The following ITGB8 variants were observed in gnomAD, a reference collection of about 807,000 sequenced individuals.
ITGB8 encodes the protein integrin subunit beta 8, also known as integrin beta-8.
In ITGB8, 30 loss-of-function variants were observed where a neutral mutation model predicts 89.5. That is an observed-to-expected ratio of 0.34 (90% CI 0.25 to 0.45). The LOEUF is 0.45. Ranked by LOEUF, ITGB8 falls within the 20% of genes least tolerant of loss-of-function variation. ITGB8 has a pLI of 1.00. For missense variants in ITGB8, 836 were observed against 933.3 expected (o/e 0.90, Z 1.36); for synonymous variants, 335 against 320.4 (o/e 1.05, Z -0.49).
intron 1 of ITGB8, among the ~76,000 whole-genome samples, chr7:20,349,924 T>G (rs1392037762): frequency 1.3e-5 from 2 of 152,186 alleles, no homozygotes; most frequent in African/African-American, 4.8e-5. Flanking sequence ...GGATGAGTTT[T>G]GCCAGATGTA....
At chr7:20,361,171 C>T (rs1785489216) in intron 1 of ITGB8, among the ~76,000 whole-genome samples, 1 of 151,972 alleles carries the variant, frequency 6.6e-6, no homozygotes, top group Admixed American at 6.6e-5. Context: ...AGTGTCTGTC[C>T]GTGTTCTTTA....
At chr7:20,409,084 C>A (rs946550900) in intron 12 of ITGB8, among the ~76,000 whole-genome samples, 1 of 152,150 alleles carries the variant, frequency 6.6e-6, no homozygotes, top group African/African-American at 2.4e-5. Flanking sequence ...AATATTTATT[C>A]ACCTATTGGA....
chr7:20,370,600 T>TTTATTATTATTA (rs67123203), intron 3 of ITGB8, among the ~76,000 whole-genome samples: 131 of 144,410 alleles, frequency 9.1e-4, no homozygotes, highest in Middle Eastern at 7.2e-3. Flanking sequence ...TATTTACTTA[T>TTTATTATTATTA]TTATTATTAT....
intron 3 of ITGB8, among the ~76,000 whole-genome samples, chr7:20,367,549 A>G (rs572972694): frequency 1.3e-5 from 2 of 151,894 alleles, no homozygotes; most frequent in South Asian, 2.1e-4. Context: ...AGTACTCTGT[A>G]AGTATTTGTT....
chr7:20,393,760 G>C (rs570769605), intron 7 of ITGB8, among the ~76,000 whole-genome samples: 1 of 152,224 alleles, frequency 6.6e-6, no homozygotes, highest in African/African-American at 2.4e-5. Flanking sequence ...CTCATGTCTG[G>C]AAGCCCTTCT....
chr7:20,335,233 G>A (rs1374613496), intron 1 of ITGB8, among the ~76,000 whole-genome samples: 1 of 152,086 alleles, frequency 6.6e-6, no homozygotes, highest in Admixed American at 6.5e-5. Context: ...GAAACTTAGG[G>A]CAACAAGAAT....
At chr7:20,335,946 T>C (rs1480373385) in intron 1 of ITGB8, among the ~76,000 whole-genome samples, 1 of 151,856 alleles carries the variant, frequency 6.6e-6, no homozygotes, top group Non-Finnish European at 1.5e-5. Flanking sequence ...CCTCTAAATG[T>C]AGTAGTGGCT....
At chr7:20,382,419 T>TA (rs1434349964) in intron 6 of ITGB8, among the ~76,000 whole-genome samples, 3 of 152,240 alleles carry the variant, frequency 2.0e-5, no homozygotes, top group Non-Finnish European at 4.4e-5. Context: ...CTATCTGGCT[T>TA]GCTTCCTGAG....
chr7:20,388,463 A>G (rs989205210), intron 6 of ITGB8, among the ~76,000 whole-genome samples: 9 of 152,144 alleles, frequency 5.9e-5, no homozygotes, highest in African/African-American at 2.2e-4. Flanking sequence ...GGCTTAGGCA[A>G]TGGTCATTAA....
intron 3 of ITGB8, among the ~76,000 whole-genome samples, chr7:20,372,574 A>G (rs1248283124): frequency 6.6e-6 from 1 of 152,128 alleles, no homozygotes; most frequent in African/African-American, 2.4e-5. Context: ...CTCAGGGGAG[A>G]GATAGGGGTT....
intron 6 of ITGB8, among the ~76,000 whole-genome samples, chr7:20,391,068 CGT>C (rs1786834920): frequency 6.6e-6 from 1 of 151,974 alleles, no homozygotes; most frequent in Non-Finnish European, 1.5e-5. Context: ...TTGCCACTAA[CGT>C]GTCTCTATTT....
chr7:20,368,667 C>T (rs987777008), intron 3 of ITGB8, among the ~76,000 whole-genome samples: 7 of 152,134 alleles, frequency 4.6e-5, no homozygotes, highest in African/African-American at 1.7e-4. Context: ...AAATGTCTTA[C>T]TCTTTTTTAA....
chr7:20,385,714 A>G (rs1786582147), intron 6 of ITGB8, among the ~76,000 whole-genome samples: 3 of 152,320 alleles, frequency 2.0e-5, no homozygotes, highest in South Asian at 4.1e-4. Flanking sequence ...AATCTTATCT[A>G]CTTGGAATTA....
intron 1 of ITGB8, among the ~76,000 whole-genome samples, chr7:20,349,387 C>T (rs1257575299): frequency 6.6e-6 from 1 of 151,386 alleles, no homozygotes; most frequent in Non-Finnish European, 1.5e-5. Flanking sequence ...GCCAAAACCG[C>T]AATTACTTTA....
intron 1 of ITGB8, among the ~76,000 whole-genome samples, chr7:20,358,023 T>C (rs1170557762): frequency 6.6e-6 from 1 of 152,192 alleles, no homozygotes; most frequent in East Asian, 1.9e-4. Context: ...TGGAGTGCAA[T>C]GGCATGATCT....
At chr7:20,390,424 T>C (rs997458578) in intron 6 of ITGB8, among the ~76,000 whole-genome samples, 3 of 152,124 alleles carry the variant, frequency 2.0e-5, no homozygotes, top group African/African-American at 7.2e-5. Flanking sequence ...TACCTAACTA[T>C]ATAACTCTAG....
At chr7:20,390,462 C>G (rs1321363759) in intron 6 of ITGB8, among the ~76,000 whole-genome samples, 1 of 152,054 alleles carries the variant, frequency 6.6e-6, no homozygotes, top group Non-Finnish European at 1.5e-5. Context: ...CATCAGATTT[C>G]TCATGTTCTC....
chr7:20,401,783 A>C lies in ITGB8; in HGVS notation c.1344A>C (p.Ala448=). The C allele has an allele frequency of 1.2e-6, 2 of 1,603,492 alleles. No homozygotes were observed. The highest frequency in any genetic ancestry group is 1.7e-6 in the Non-Finnish European group (2 of 1,177,304). ...ATGTCACAGGAGGAAAAAACTATGC[A>C]ATAATCAAACCTATTGGTTTTAATG... ...KCDVTGGKNY[A]IIKPIGFNET... Residue 448 remains alanine, a synonymous_variant, in exon 10 of 14, where the codon GCA becomes GCC. Coordinates refer to ENST00000222573, the MANE Select transcript of ITGB8 (RefSeq NM_002214.3).
In ITGB8 at chr7:20,379,195, C is replaced by T; in HGVS notation, c.533C>T (p.Ala178Val). The stretch of plus-strand genomic sequence containing the variant: ...GGAAACGATTTATCTAGAAAAATGG[C>T]ATTTTTCTCCCGTGACTTTCGTCTT... ...SVGNDLSRKMAFFSRDFRLGF... is the reference protein window; with the variant it reads ...SVGNDLSRKMVFFSRDFRLGF... Residue 178 changes from alanine to valine, a missense_variant, in exon 4 of 14, where the codon GCA becomes GTA. Physicochemically the swap from Ala to Val is moderately conservative, Grantham distance 64 (BLOSUM62 0). This residue lies in a region of ITGB8 where 38 missense variants were observed against 52.2 expected (regional missense o/e 0.73). Transcript: ENST00000222573. 1 of 1,612,162 alleles carries T rather than the reference C, an allele frequency of 6.2e-7. No individual in the cohort carries two copies. The highest frequency in any genetic ancestry group is 1.1e-5 in the South Asian group (1 of 90,786).
Sources: allele counts gnomAD v4.1 joint callset (sites outside exome capture counted in the v4.1 genomes callset), GRCh38; gene constraint gnomAD v4.1.1; regional missense constraint gnomAD v4.1.1; transcripts MANE v1.5; gene names NCBI Gene and HGNC (gene_info 2026-07-23, HGNC 2026-07-21).